FHOD3: variants seen among roughly 807,000 people sequenced by gnomAD.
FHOD3 encodes the protein FH1/FH2 domain-containing protein 3.
A neutral mutation model predicts 173.0 loss-of-function variants in FHOD3; 90 were observed. That is an observed-to-expected ratio of 0.52 (90% CI 0.44 to 0.62). The LOEUF (loss-of-function observed/expected upper bound fraction) is 0.62, where lower values mean the gene tolerates loss of function less well. Among genes scored for constraint, FHOD3 ranks in the 20% least tolerant of loss-of-function variants. The probability of loss-of-function intolerance (pLI) is 0.00; values close to 1 mark genes in which losing one functional copy is unlikely to be tolerated. For missense variants in FHOD3, 1,945 were observed against 2,034.7 expected (o/e 0.96, Z 0.85); for synonymous variants, 828 against 823.0 (o/e 1.01, Z -0.10).
At chr18:36,749,996 G>C (rs2042334100) in intron 24 of FHOD3, among the ~76,000 whole-genome samples, 1 of 151,630 alleles carries the variant, frequency 6.6e-6, no homozygotes, top group African/African-American at 2.4e-5. Flanking sequence ...CTTTTAAAAA[G>C]TGTCTGTTCG....
At chr18:36,474,986 T>TACACACACACACACACAC (rs3056805) in intron 3 of FHOD3, among the ~76,000 whole-genome samples, 2 of 108,002 alleles carry the variant, frequency 1.9e-5, no homozygotes, top group East Asian at 2.9e-4. Flanking sequence ...AATACACACA[T>TACACACACACACACACAC]ACACACACAC....
chr18:36,764,047 G>A (rs1304415664), intron 27 of FHOD3, among the ~76,000 whole-genome samples: 1 of 152,174 alleles, frequency 6.6e-6, no homozygotes, highest in Non-Finnish European at 1.5e-5. Flanking sequence ...AGACACAGCT[G>A]AGGAGAACCA....
chr18:36,370,593 T>C (rs940449594), intron 2 of FHOD3, among the ~76,000 whole-genome samples: 8 of 152,290 alleles, frequency 5.3e-5, no homozygotes, highest in African/African-American at 1.9e-4. Flanking sequence ...GGGCAACCAA[T>C]GGACTCTTTC....
Position 36,687,132 on chromosome 18 carries a change from G to A in FHOD3, c.1975G>A (p.Asp659Asn). 6.2e-7 allele frequency: 1 copy of A among 1,609,840 alleles called. No homozygotes were observed. Among genetic ancestry groups the A allele is most frequent in the Non-Finnish European group, 8.5e-7 (1 of 1,176,810 alleles). Residue 659 changes from aspartate to asparagine, a missense_variant, in exon 16 of 29, where the codon GAT (aspartate) becomes AAT (asparagine). Coordinates refer to ENST00000590592, the MANE Select transcript of FHOD3 (RefSeq NM_001281740.3). ...EREERNKFSR[D>N]YLDKREEQRQ... The stretch of plus-strand genomic sequence containing the variant: ...TGTTCTACATATTTCCATTAGCCGA[G>A]ATTATTTAGACAAAAGAGAGGAGCA...
rs1387822752 is a variant in FHOD3 at position 36,608,115 on chromosome 18, GTTAT to G, written c.814-3834_814-3831del. Among the ~76,000 whole-genome samples the G allele has an allele frequency of 2.6e-5, 4 of 152,262 alleles. No individual in the cohort carries two copies. In the South Asian group the frequency reaches 6.2e-4, roughly 24 times the overall value. On this transcript the variant is annotated intron_variant, in intron 8 of 28. Coordinates refer to ENST00000590592, the MANE Select transcript of FHOD3 (RefSeq NM_001281740.3). ...TTCCAAAGCTGCTTTCACGTTTTCA[GTTAT>G]TTGTTATAGCAACAGCCCACTTCTC... is the stretch of plus-strand genomic sequence containing the variant.
intron 1 of FHOD3, among the ~76,000 whole-genome samples, chr18:36,346,740 G>T (rs139419421): frequency 6.6e-6 from 1 of 152,250 alleles, no homozygotes; most frequent in Non-Finnish European, 1.5e-5. Flanking sequence ...ACACTGCAAA[G>T]CTGGTCCTGC....
intron 5 of FHOD3, among the ~76,000 whole-genome samples, chr18:36,516,003 A>G (rs997748043): frequency 6.6e-6 from 1 of 152,242 alleles, no homozygotes; most frequent in Admixed American, 6.5e-5. Context: ...AGGGATGGAA[A>G]TGACACATTT....
Position 36,718,508 on chromosome 18 carries a change from C to T in FHOD3, c.3210C>T (p.Ser1070=), listed in dbSNP as rs1310731572. ...VFNAPQGLGW[S]QVPRGQPTFT... Reference sequence around the variant, plus strand: ...ACGCTCCTCAGGGCTTAGGGTGGTCCCAGGTACCCAGGGGTCAGCCCACAT... The same window carrying T: ...ACGCTCCTCAGGGCTTAGGGTGGTCTCAGGTACCCAGGGGTCAGCCCACAT... Residue 1070 remains serine (S), a synonymous_variant, in exon 19 of 29, where the codon TCC becomes TCT. Coordinates refer to ENST00000590592, the MANE Select transcript of FHOD3 (RefSeq NM_001281740.3). The T allele has an allele frequency of 6.2e-7, 1 of 1,613,898 alleles. No individual in the cohort carries two copies. The highest frequency in any genetic ancestry group is 1.3e-5 in the African/African-American group (1 of 74,846).
At chr18:36,589,562 C>G (rs1302426675) in intron 6 of FHOD3, among the ~76,000 whole-genome samples, 2 of 152,200 alleles carry the variant, frequency 1.3e-5, no homozygotes, top group African/African-American at 2.4e-5. Context: ...CATCTGTCCT[C>G]AGCAACCCGG....
intron 19 of FHOD3, among the ~76,000 whole-genome samples, chr18:36,720,548 A>G (rs2040707766): frequency 6.6e-6 from 1 of 151,908 alleles, no homozygotes; most frequent in Non-Finnish European, 1.5e-5. Context: ...TCCCCCTTCC[A>G]ATTCTTATAG....
At chr18:36,657,461 T>C (rs559113643) in intron 13 of FHOD3, among the ~76,000 whole-genome samples, 6 of 152,350 alleles carry the variant, frequency 3.9e-5, no homozygotes, top group African/African-American at 1.4e-4. Flanking sequence ...TCAAATCTCA[T>C]GTAAACCTCA....
intron 10 of FHOD3, among the ~76,000 whole-genome samples, chr18:36,647,594 A>G (rs751185701): frequency 6.6e-6 from 1 of 152,212 alleles, no homozygotes; most frequent in South Asian, 2.1e-4. Context: ...TTTCATCCCA[A>G]GATATAGTAC....
chr18:36,667,167 T>G (rs1301494280), intron 14 of FHOD3, among the ~76,000 whole-genome samples: 1 of 152,232 alleles, frequency 6.6e-6, no homozygotes, highest in African/African-American at 2.4e-5. Flanking sequence ...GATAGACACT[T>G]GGGTTGTCTT....
intron 6 of FHOD3, among the ~76,000 whole-genome samples, chr18:36,591,060 C>T (rs1174245387): frequency 6.6e-6 from 1 of 152,168 alleles, no homozygotes; most frequent in African/African-American, 2.4e-5. Flanking sequence ...AGTTGCCAAG[C>T]CTGAACTTGC....
intron 17 of FHOD3, among the ~76,000 whole-genome samples, chr18:36,699,135 C>A (rs2039444219): frequency 6.6e-6 from 1 of 152,196 alleles, no homozygotes; most frequent in Non-Finnish European, 1.5e-5. Context: ...CCTTTGCTTG[C>A]AAGACTGAAG....
intron 3 of FHOD3, among the ~76,000 whole-genome samples, chr18:36,492,606 A>G (rs2054527728): frequency 6.6e-6 from 1 of 152,204 alleles, no homozygotes; most frequent in African/African-American, 2.4e-5. Flanking sequence ...TGTAGGGTTT[A>G]TATACTCATA....
chr18:36,756,056 G>A (rs115604600), intron 25 of FHOD3, among the ~76,000 whole-genome samples: 156 of 152,256 alleles, frequency 1.0e-3, no homozygotes, highest in African/African-American at 3.5e-3. Context: ...GAGGGTAAAG[G>A]GATGCATGAC....
chr18:36,551,183 A>G (rs767521653), intron 5 of FHOD3, among the ~76,000 whole-genome samples: 6 of 152,216 alleles, frequency 3.9e-5, no homozygotes, highest in Non-Finnish European at 8.8e-5. Context: ...GTTTGTTGAT[A>G]TAGTGAACCA....
intron 1 of FHOD3, among the ~76,000 whole-genome samples, chr18:36,311,049 G>A (rs2092244644): frequency 6.6e-6 from 1 of 152,158 alleles, no homozygotes; most frequent in African/African-American, 2.4e-5. Flanking sequence ...AAAGGAAGAG[G>A]AAAGACAGAC....
Sources: gnomAD v4.1 joint callset for allele counts (sites outside exome capture counted in the v4.1 genomes callset) on GRCh38, gnomAD v4.1.1 for gene constraint, MANE v1.5 for transcripts, NCBI Gene and HGNC (gene_info 2026-07-23, HGNC 2026-07-21) for gene names.